Variants in SLC16A12 observed in about 807,000 individuals in gnomAD.
The protein encoded by SLC16A12 is monocarboxylate transporter 12.
Under a neutral mutation model 42.4 loss-of-function variants are expected in SLC16A12, and 17 were observed. That is an observed-to-expected ratio of 0.40 (90% CI 0.27 to 0.60). SLC16A12 has a LOEUF of 0.60. Among genes scored for constraint, SLC16A12 ranks in the 20% least tolerant of loss-of-function variants. The pLI is 0.42. For missense variants in SLC16A12, 544 were observed against 623.0 expected, an observed-to-expected ratio of 0.87 and a Z score of 1.35; for synonymous variants, 224 against 229.4, an observed-to-expected ratio of 0.98 and a Z score of 0.21.
rs996318328 is a variant in SLC16A12, at chr10:89,482,449, T to C, written c.-46-19825A>G. On this transcript the variant is annotated intron_variant, in intron 2 of 7. Coordinates refer to ENST00000371790, the MANE Select transcript of SLC16A12 (RefSeq NM_213606.4). ...CACAGTGTGGCAGAAAACAGTATCATGGTCAATGTATAACCAAGGATGAGA... is the reference window on the plus strand; with the variant it reads ...CACAGTGTGGCAGAAAACAGTATCACGGTCAATGTATAACCAAGGATGAGA... 9.2e-5 allele frequency among the ~76,000 whole-genome samples: 14 copies of C among 152,142 alleles called. No homozygotes were observed. The East Asian group carries it at 1.3e-3, about 15-fold the overall frequency.
At chr10:89,506,042 G>A (rs1843056065) in intron 2 of SLC16A12, among the ~76,000 whole-genome samples, 1 of 152,200 alleles carries the variant, frequency 6.6e-6, no homozygotes, top group South Asian at 2.1e-4. Flanking sequence ...TCTGTGGGCA[G>A]GGCATCTCTG....
intron 2 of SLC16A12, among the ~76,000 whole-genome samples, chr10:89,495,482 T>C (rs1344007611): frequency 1.3e-5 from 2 of 152,012 alleles, no homozygotes; most frequent in East Asian, 3.8e-4. Flanking sequence ...CCCTTGGGAG[T>C]GTTACTCAGA....
chr10:89,554,049 A>AGAGAAAGG (rs1297104232), intron 2 of SLC16A12, among the ~76,000 whole-genome samples: 22 of 63,422 alleles, frequency 3.5e-4, no homozygotes, highest in African/African-American at 1.5e-3. Context: ...AGAAAGAAAG[A>AGAGAAAGG]AAGAAAGAAA....
chr10:89,474,955 C>G (rs1474058962), intron 2 of SLC16A12, among the ~76,000 whole-genome samples: 1 of 152,212 alleles, frequency 6.6e-6, no homozygotes, highest in Non-Finnish European at 1.5e-5. Context: ...GGCCTTTAAG[C>G]TGCGTCTTGG....
intron 2 of SLC16A12, among the ~76,000 whole-genome samples, chr10:89,528,681 T>G (rs1435409348): frequency 6.6e-6 from 1 of 152,220 alleles, no homozygotes; most frequent in Non-Finnish European, 1.5e-5. Flanking sequence ...AATAAAATTT[T>G]TTTCTAAAGA....
At chr10:89,495,104 A>C (rs1842905101) in intron 2 of SLC16A12, among the ~76,000 whole-genome samples, 1 of 152,132 alleles carries the variant, frequency 6.6e-6, no homozygotes, top group Non-Finnish European at 1.5e-5. Flanking sequence ...TAATCCCAGC[A>C]CTTTGGGAGG....
chr10:89,533,845 AC>A (rs1474199484), intron 2 of SLC16A12, among the ~76,000 whole-genome samples: 1 of 151,810 alleles, frequency 6.6e-6, no homozygotes, highest in Non-Finnish European at 1.5e-5. Flanking sequence ...AAAAAAAAAA[AC>A]ATAAAAAATA....
At chr10:89,447,354 G>A (rs1842021901) in intron 3 of SLC16A12, among the ~76,000 whole-genome samples, 1 of 152,094 alleles carries the variant, frequency 6.6e-6, no homozygotes, top group Non-Finnish European at 1.5e-5. Context: ...CACATAGTTG[G>A]AAGTAAACCA....
intron 7 of SLC16A12, among the ~76,000 whole-genome samples, chr10:89,434,943 C>T (rs1308172263): frequency 1.3e-5 from 2 of 152,184 alleles, no homozygotes; most frequent in African/African-American, 2.4e-5. Context: ...GTGGTGTAGA[C>T]CACATGCTTT....
intron 2 of SLC16A12, among the ~76,000 whole-genome samples, chr10:89,488,262 TC>T (rs1842793879): frequency 6.6e-6 from 1 of 151,876 alleles, no homozygotes; most frequent in Admixed American, 6.6e-5. Flanking sequence ...ATCAAAAAAA[TC>T]CCTTAATCAT....
At chr10:89,475,931 C>G (rs1842570883) in intron 2 of SLC16A12, among the ~76,000 whole-genome samples, 1 of 152,194 alleles carries the variant, frequency 6.6e-6, no homozygotes, top group Non-Finnish European at 1.5e-5. Context: ...GCCACCGATT[C>G]TAGGCAACAT....
At chr10:89,540,403 G>A (rs1392320859), upstream of SLC16A12, among the ~76,000 whole-genome samples, 2 of 151,980 alleles carry the variant, frequency 1.3e-5, no homozygotes, top group Non-Finnish European at 2.9e-5. Flanking sequence ...CCAGCCTAGA[G>A]TCCACCTTCT....
intron 2 of SLC16A12, among the ~76,000 whole-genome samples, chr10:89,482,635 A>G (rs1254182872): frequency 6.6e-6 from 1 of 151,962 alleles, no homozygotes; most frequent in Non-Finnish European, 1.5e-5. Context: ...ACAAAAAAAA[A>G]TTCCCAGGCA....
intron 2 of SLC16A12, among the ~76,000 whole-genome samples, chr10:89,490,313 T>G (rs1842827473): frequency 6.6e-6 from 1 of 152,300 alleles, no homozygotes; most frequent in East Asian, 1.9e-4. Flanking sequence ...ACCAACTCCA[T>G]GTCTAACAAT....
intron 3 of SLC16A12, among the ~76,000 whole-genome samples, chr10:89,453,071 G>C (rs936874553): frequency 3.9e-5 from 6 of 152,124 alleles, no homozygotes; most frequent in Admixed American, 3.9e-4. Context: ...CTGTCAAAGG[G>C]GTATAAAAAG....
At chr10:89,492,659 G>A (rs1842864046) in intron 2 of SLC16A12, among the ~76,000 whole-genome samples, 1 of 152,080 alleles carries the variant, frequency 6.6e-6, no homozygotes, top group South Asian at 2.1e-4. Context: ...ATTTGGGCAA[G>A]TCTGAACTAA....
chr10:89,444,871 G>A (rs574215819), intron 3 of SLC16A12, among the ~76,000 whole-genome samples: 2 of 152,316 alleles, frequency 1.3e-5, no homozygotes, highest in South Asian at 4.1e-4. Flanking sequence ...ATACTGTACT[G>A]GGAAAATTGG....
chr10:89,443,823 G>A lies in SLC16A12; in HGVS notation c.237C>T (p.Tyr79=). 6.2e-7 allele frequency: 1 copy of A among 1,613,724 alleles called. No homozygotes were observed. Among genetic ancestry groups the A allele is most frequent in the South Asian group, 1.1e-5 (1 of 91,072 alleles). Residue 79 remains tyrosine, a synonymous_variant, in exon 4 of 8, where the codon TAC becomes TAT. Coordinates refer to ENST00000371790, the MANE Select transcript of SLC16A12 (RefSeq NM_213606.4). ...ISIFFVEFQT[Y]FTQDYAQTAW... ...CCGTTTGTGCGTAATCCTGAGTGAAGTATGTCTGGAACTCCACAAAAAAAA... is the reference window on the plus strand; with the variant it reads ...CCGTTTGTGCGTAATCCTGAGTGAAATATGTCTGGAACTCCACAAAAAAAA...
intron 3 of SLC16A12, among the ~76,000 whole-genome samples, chr10:89,445,935 A>G (rs1438590569): frequency 6.6e-6 from 1 of 152,234 alleles, no homozygotes; most frequent in Non-Finnish European, 1.5e-5. Context: ...GCTGAAAACC[A>G]TGGTATGAGA....
Sources: allele counts gnomAD v4.1 joint callset (sites outside exome capture counted in the v4.1 genomes callset), GRCh38; gene constraint gnomAD v4.1.1; transcripts MANE v1.5; gene names NCBI Gene and HGNC (gene_info 2026-07-23, HGNC 2026-07-21).